The following TAOK2 variants were observed in gnomAD, a reference collection of about 807,000 sequenced individuals.
TAOK2 encodes the protein TAO kinase 2, also known as serine/threonine-protein kinase TAO2.
Under a neutral mutation model 122.5 loss-of-function variants are expected in TAOK2, and 42 were observed. That is an observed-to-expected ratio of 0.34 (90% CI 0.27 to 0.44). The LOEUF (loss-of-function observed/expected upper bound fraction) is 0.44, where lower values mean the gene tolerates loss of function less well. TAOK2 is among the 20% of genes least tolerant of loss of function. TAOK2 has a pLI of 1.00. For synonymous variants in TAOK2, 704 were observed against 677.6 expected (o/e 1.04, Z -0.61); for missense variants, 1,264 against 1,644.9 (o/e 0.77, Z 4.01).
chr16:29,981,615 A>G (rs770253759), intron 8 of TAOK2, 46 bp from the exon 9 acceptor site: 7 of 1,575,838 alleles, frequency 4.4e-6, no homozygotes, highest in South Asian at 4.4e-5. Context: ...ATTGTCCTCT[A>G]CCCCCTGCCA....
rs2069565006 is a variant in TAOK2, at chr16:29,979,882, T to C, written c.655+374T>C. On this transcript the variant is annotated intron_variant, in intron 8 of 15. Transcript: ENST00000308893. This position sits in a 1 kb window ranked among gnomAD's most constrained non-coding sequence, Gnocchi z 4.1. ...TTCTTTCAATGTGATGAACGCTGTG[T>C]GGAGAAGTTACAGGAGCGGTTCAAA... is the stretch of plus-strand genomic sequence containing the variant. Among the ~76,000 whole-genome samples, 1 of 152,164 alleles carries C rather than the reference T, an allele frequency of 6.6e-6. No individual in the cohort carries two copies. Among genetic ancestry groups the C allele is most frequent in the African/African-American group, 2.4e-5 (1 of 41,424 alleles).
rs772748056 is a variant in TAOK2 at position 29,986,572 on chromosome 16, C to T, written c.2300C>T (p.Thr767Ile). 2 of 1,613,800 alleles carry T rather than the reference C, an allele frequency of 1.2e-6. No individual in the cohort carries two copies. Among genetic ancestry groups the T allele is most frequent in the South Asian group, 1.1e-5 (1 of 91,020 alleles). ...PIPGALGPPN[T>I]GTPIEQQPCS... The stretch of plus-strand genomic sequence containing the variant: ...CCTGGGGCTCTGGGCCCACCCAACA[C>T]AGGCACCCCTATAGAACAGCAGCCC... The change falls in exon 16 of 16, where the codon ACA becomes ATA. Residue 767 changes from threonine (T) to isoleucine (I), a missense_variant. Physicochemically the swap from Thr to Ile is moderately conservative, Grantham distance 89. Around this residue, in one of 4 missense-constraint regions of TAOK2, gnomAD observed 824 missense variants for 908.7 expected, o/e 0.91. Transcript: ENST00000308893. This position sits in a 1 kb window ranked among gnomAD's most constrained non-coding sequence, Gnocchi z 4.2.
chr16:29,977,892 A>G lies in TAOK2; in HGVS notation c.120A>G (p.Gly40=). 6.2e-7 allele frequency: 1 copy of G among 1,614,034 alleles called. No individual in the cohort carries two copies. ...GGGAAATTGGCCATGGCAGCTTTGGAGCCGTATACTTTGTGAGTTGGGTCT... is the reference window on the plus strand; with the variant it reads ...GGGAAATTGGCCATGGCAGCTTTGGGGCCGTATACTTTGTGAGTTGGGTCT... The part of the protein sequence containing the change: ...DLREIGHGSF[G]AVYFARDVRN... The change falls in exon 2 of 16, where the codon GGA becomes GGG. Residue 40 remains glycine (G), a synonymous_variant. Coordinates refer to ENST00000308893, the MANE Select transcript of TAOK2 (RefSeq NM_016151.4).
rs753635436 is a variant in TAOK2, at chr16:29,978,276, G to T, written c.229G>T (p.Val77Leu). Residue 77 changes from valine to leucine, a missense_variant, in exon 4 of 16, where the codon GTG becomes TTG. By Grantham distance (32) the Val-to-Leu change is conservative. Coordinates refer to ENST00000308893, the MANE Select transcript of TAOK2 (RefSeq NM_016151.4). ...NEKWQDIIKEVRFLQKLRHPN... is the reference protein window; with the variant it reads ...NEKWQDIIKELRFLQKLRHPN... ...GAAATGGCAAGACATCATCAAGGAG[G>T]TGCGGTTCTTACAGAAGCTCCGGCA... 1 of 1,614,102 alleles carries T rather than the reference G, an allele frequency of 6.2e-7. No homozygotes were observed. The highest frequency in any genetic ancestry group is 2.2e-5 in the East Asian group (1 of 44,878).
At chr16:29,989,385 A>G, downstream of TAOK2, 1 of 979,076 alleles carries the variant, frequency 1.0e-6, no homozygotes, top group Non-Finnish European at 1.2e-6. Flanking sequence ...CCACCTCTCC[A>G]TGTCTGTCTG....
downstream of TAOK2, chr16:29,991,111 G>C: frequency 1.2e-6 from 2 of 1,601,462 alleles, no homozygotes; most frequent in South Asian, 1.1e-5. The surrounding 1 kb of genome is among the most constrained non-coding windows in gnomAD (Gnocchi z 5.6). Flanking sequence ...CTGCTTGAGC[G>C]GCAGGCCCGT....
Position 29,983,218 on chromosome 16 carries a change from GGAGGAGGAGGAA to G in TAOK2, c.1158_1169del (p.Glu389_Glu392del). ...CCTCAGACAACGAGGAAGAGGAGGA[GGAGGAGGAGGAA>G]GAGGAGGAGGAGGAAGAAGGCCCTG... On this transcript the variant is annotated inframe_deletion, in exon 12 of 16. Coordinates refer to ENST00000308893, the MANE Select transcript of TAOK2 (RefSeq NM_016151.4). 10 of 1,613,378 alleles carry G rather than the reference GGAGGAGGAGGAA, an allele frequency of 6.2e-6. No homozygotes were observed. Among genetic ancestry groups the G allele is most frequent in the East Asian group, 2.2e-5 (1 of 44,872 alleles).
rs759153586 is a variant in TAOK2, at chr16:29,985,454, G to A, written c.1664G>A (p.Arg555Gln). 3 of 1,611,856 alleles carry A rather than the reference G, an allele frequency of 1.9e-6. No homozygotes were observed. The highest frequency in any genetic ancestry group is 1.7e-5 in the Admixed American group (1 of 59,590). ...RHQAIGEKEARAAQAEERKFQ... is the reference protein window; with the variant it reads ...RHQAIGEKEAQAAQAEERKFQ... ...CAGGCCATAGGTGAGAAGGAGGCAC[G>A]AGCTGCCCAGGCCGAGGAGCGGAAG... The change falls in exon 14 of 16, where the codon CGA becomes CAA. Residue 555 changes from arginine (R) to glutamine (Q), a missense_variant. This residue lies in a region of TAOK2 where 824 missense variants were observed against 908.7 expected (regional missense o/e 0.91). Coordinates refer to ENST00000308893, the MANE Select transcript of TAOK2 (RefSeq NM_016151.4). The surrounding 1 kb of genome is among the most constrained non-coding windows in gnomAD (Gnocchi z 6.9).
chr16:29,974,677 C>G (rs1483490037), intron 1 of TAOK2, 29 bp downstream of exon 1: 5 of 152,644 alleles, frequency 3.3e-5, no homozygotes, highest in Non-Finnish European at 5.9e-5. Flanking sequence ...GGGCGCGGGT[C>G]CCTGTGTCTA....
downstream of TAOK2, chr16:29,989,836 C>A (rs1385627916): frequency 4.4e-6 from 7 of 1,606,292 alleles, no homozygotes. Context: ...AGGGAGTGCG[C>A]TAGAGGCCAG....
intron 1 of TAOK2, among the ~76,000 whole-genome samples, chr16:29,977,460 C>T (rs2069489745): frequency 6.6e-6 from 1 of 152,146 alleles, no homozygotes; most frequent in Non-Finnish European, 1.5e-5. Context: ...GAAATGAGAA[C>T]TTGTTGAGCA....
In TAOK2 at chr16:29,987,958, G is replaced by T. The variant is rs757989465; in HGVS notation, c.3686G>T (p.Arg1229Leu). Residue 1229 changes from arginine to leucine, a missense_variant, in exon 16 of 16, where the codon CGG becomes CTG. By Grantham distance (102) the Arg-to-Leu change is moderately radical. This residue lies in a region of TAOK2 where 824 missense variants were observed against 908.7 expected (regional missense o/e 0.91). Coordinates refer to ENST00000308893, the MANE Select transcript of TAOK2 (RefSeq NM_016151.4). The stretch of plus-strand genomic sequence containing the variant: ...CGGAGGTCACGCACCCGCCAGTCCC[G>T]GGCCCTGCCCCCCTGGAGGTAGCTG... ...AGRRSRTRQS[R>L]ALPPWR 8 of 1,542,524 alleles carry T rather than the reference G, an allele frequency of 5.2e-6. No individual in the cohort carries two copies. The highest frequency in any genetic ancestry group is 6.1e-6 in the Non-Finnish European group (7 of 1,149,446).
downstream of TAOK2, chr16:29,989,237 C>T (rs376166122): frequency 2.0e-6 from 2 of 985,212 alleles, no homozygotes; most frequent in Admixed American, 6.2e-5. Flanking sequence ...CTTCCAAGAT[C>T]CTCAGTTCCC....
intron 1 of TAOK2, among the ~76,000 whole-genome samples, chr16:29,975,421 T>C (rs970336649): frequency 2.6e-5 from 4 of 152,208 alleles, no homozygotes; most frequent in Non-Finnish European, 4.4e-5. Context: ...CATCTTTCCC[T>C]GATGCATGCC....
Position 29,988,345 on chromosome 16 carries a change from C to T in TAOK2, c.*365C>T. On this transcript the variant is annotated 3_prime_UTR_variant, in exon 16 of 16. Transcript: ENST00000308893. ...CTCCCTTCCAACCTGTCCCCTTCCCCCCACCAAAAAAAGAAAAAGACAAAC... is the reference window on the plus strand; with the variant it reads ...CTCCCTTCCAACCTGTCCCCTTCCCTCCACCAAAAAAAGAAAAAGACAAAC... 1 of 1,387,694 alleles carries T rather than the reference C, an allele frequency of 7.2e-7. No homozygotes were observed. Among genetic ancestry groups the T allele is most frequent in the Non-Finnish European group, 9.5e-7 (1 of 1,053,018 alleles). 86.0% of individuals were successfully genotyped at this position (1,387,694 alleles called of 1,614,324 possible). A position where few individuals can be genotyped will look rare whatever the true frequency, so the allele number is the denominator to read the frequency against.
chr16:29,982,986 T>G (rs925766689), intron 11 of TAOK2, 85 bp downstream of exon 11: 69 of 1,604,074 alleles, frequency 4.3e-5, no homozygotes, highest in Non-Finnish European at 6.8e-6. Flanking sequence ...CCAGCCCTAC[T>G]CACACCACCA....
chr16:29,976,472 A>T (rs771178222), intron 1 of TAOK2, among the ~76,000 whole-genome samples: 1 of 152,218 alleles, frequency 6.6e-6, no homozygotes, highest in South Asian at 2.1e-4. Context: ...AATAAATTAC[A>T]TGCTAAAATT....
Position 29,987,890 on chromosome 16 carries a change from GC to G in TAOK2, c.3623del (p.Pro1208LeufsTer11). 2 of 1,596,114 alleles carry G rather than the reference GC, an allele frequency of 1.3e-6. No individual in the cohort carries two copies. Among genetic ancestry groups the G allele is most frequent in the Middle Eastern group, 1.9e-4 (1 of 5,198 alleles). ...TACCACGCAGCCAGCGCCAGCTAGG[GC>G]CCCCTGCCTCCCGCCAGCCACTGCC... ...LLPRSQRQLG[P>X]PASRQPLPGT... On this transcript the variant is annotated frameshift_variant, in exon 16 of 16. Transcript: ENST00000308893. LOFTEE classifies it high-confidence loss of function.
At position 29,979,739 on chromosome 16, in the gene TAOK2, T is replaced by C. The variant is rs1286389560; in HGVS notation, c.655+231T>C. Among the ~76,000 whole-genome samples the C allele has an allele frequency of 6.6e-6, 1 of 152,190 alleles. No homozygotes were observed. Among genetic ancestry groups the C allele is most frequent in the African/African-American group, 2.4e-5 (1 of 41,448 alleles). On this transcript the variant is annotated intron_variant, in intron 8 of 15. Transcript: ENST00000308893. This position sits in a 1 kb window ranked among gnomAD's most constrained non-coding sequence, Gnocchi z 4.1. ...TGTCCACTACCCTGGTTCTGAATCTTTTCTTAGTGCCCACCATGTGCTGTG... is the reference window on the plus strand; with the variant it reads ...TGTCCACTACCCTGGTTCTGAATCTCTTCTTAGTGCCCACCATGTGCTGTG...
Sources: allele counts gnomAD v4.1 joint callset (sites outside exome capture counted in the v4.1 genomes callset), GRCh38; gene constraint gnomAD v4.1.1; regional missense constraint gnomAD v4.1.1; non-coding constraint Gnocchi (gnomAD v3.1); transcripts MANE v1.5; gene names NCBI Gene and HGNC (gene_info 2026-07-23, HGNC 2026-07-21).